Variants in ACSL1 observed in about 807,000 individuals in gnomAD.
ACSL1 encodes the protein long-chain-fatty-acid--CoA ligase 1.
In ACSL1, 41 loss-of-function variants were observed where a neutral mutation model predicts 98.4. The ratio of observed to expected loss-of-function variants is 0.42; its 90% CI spans 0.32 to 0.54. The LOEUF (loss-of-function observed/expected upper bound fraction) is 0.54. Among genes scored for constraint, ACSL1 ranks in the 20% least tolerant of loss-of-function variants. The probability of loss-of-function intolerance (pLI) is 0.13; values close to 1 mark genes in which losing one functional copy is unlikely to be tolerated. For synonymous variants in ACSL1, 316 were observed against 322.7 expected, an observed-to-expected ratio of 0.98 and a Z score of 0.22; for missense variants, 734 against 883.1, an observed-to-expected ratio of 0.83 and a Z score of 2.14.
rs1770983868 is a variant in ACSL1 at position 184,803,989 on chromosome 4, A to T, written c.-32-443T>A. On this transcript the variant is annotated intron_variant, in intron 1 of 20. Transcript: ENST00000281455. This position sits in a 1 kb window ranked among gnomAD's most constrained non-coding sequence, Gnocchi z 4.8. ...GGGGAAGTACAAGCCCAAACCACCT[A>T]AGGGCCATCAGTTTCTATTTCTTCC... 6.6e-6 allele frequency among the ~76,000 whole-genome samples: 1 copy of T among 152,186 alleles called. No homozygotes were observed. The highest frequency in any genetic ancestry group is 1.9e-4 in the East Asian group (1 of 5,190).
intron 1 of ACSL1, among the ~76,000 whole-genome samples, chr4:184,822,749 A>G (rs902085565): frequency 6.7e-6 from 1 of 149,652 alleles, no homozygotes; most frequent in Non-Finnish European, 1.5e-5. Flanking sequence ...GGGAAAAAAG[A>G]AAAAAAAAAG....
chr4:184,768,087 T>C (rs1423202710), intron 12 of ACSL1: 1 of 507,640 alleles, frequency 2.0e-6, no homozygotes, highest in Non-Finnish European at 3.4e-6. Flanking sequence ...TATGCTTGTG[T>C]TGTGACCATG....
chr4:184,825,735 G>T lies in ACSL1; in HGVS notation c.-33+181C>A, dbSNP rs370032808. ...GAGGCCTCCGGCTGCCGAGGGAAGC[G>T]GGGCCGCGGGCAGGAGGCCGGAAAG... is the stretch of plus-strand genomic sequence containing the variant. On this transcript the variant is annotated intron_variant, in intron 1 of 20. Coordinates refer to ENST00000281455, the MANE Select transcript of ACSL1 (RefSeq NM_001995.5). This position sits in a 1 kb window ranked among gnomAD's most constrained non-coding sequence, Gnocchi z 4.7. Among the ~76,000 whole-genome samples the T allele has an allele frequency of 6.7e-6, 1 of 149,832 alleles. No individual in the cohort carries two copies. Among genetic ancestry groups the T allele is most frequent in the Non-Finnish European group, 1.5e-5 (1 of 67,066 alleles).
At position 184,783,927 on chromosome 4, in the gene ACSL1, C is replaced by T. The variant is rs768834922; in HGVS notation, c.375G>A (p.Gln125=). The change falls in exon 4 of 21, where the codon CAG becomes CAA. Residue 125 remains glutamine, a splice_region_variant and synonymous_variant. Coordinates refer to ENST00000281455, the MANE Select transcript of ACSL1 (RefSeq NM_001995.5). The part of the protein sequence containing the change: ...DQPYEWLSYK[Q]VAELSECIGS... ...CAGAGCCTGTCTCATACAAACTCAC[C>T]TGTTTATATGAAAGCCATTCATAGG... is the stretch of plus-strand genomic sequence containing the variant. The T allele has an allele frequency of 2.0e-5, 33 of 1,612,940 alleles. No individual in the cohort carries two copies. Among genetic ancestry groups the T allele is most frequent in the Non-Finnish European group, 8.5e-7 (1 of 1,179,240 alleles).
chr4:184,767,626 A>C (rs1763815356), intron 12 of ACSL1, among the ~76,000 whole-genome samples: 1 of 152,248 alleles, frequency 6.6e-6, no homozygotes. Context: ...CACACTTTAA[A>C]TCAGCAAATT....
At chr4:184,826,495 G>C (rs1356285573), upstream of ACSL1, 1 of 143,404 alleles carries the variant, frequency 7.0e-6, no homozygotes, top group Non-Finnish European at 1.6e-5. Context: ...GGCCCCACAG[G>C]GTTTCCCCCA....
At chr4:184,778,288 G>A (rs1765631405) in intron 5 of ACSL1, among the ~76,000 whole-genome samples, 1 of 152,204 alleles carries the variant, frequency 6.6e-6, no homozygotes, top group Admixed American at 6.5e-5. Flanking sequence ...GGGGAAGGGG[G>A]CACAACCCAC....
At position 184,756,983 on chromosome 4, in the gene ACSL1, T is replaced by G; in HGVS notation, c.*142A>C. On this transcript the variant is annotated 3_prime_UTR_variant, in exon 21 of 21. Coordinates refer to ENST00000281455, the MANE Select transcript of ACSL1 (RefSeq NM_001995.5). ...TGTTCTCTTTCCTCTAGCATTCCTA[T>G]GAGAAGAACCCCGAATGGACAAGTC... 7.5e-6 allele frequency: 8 copies of G among 1,069,370 alleles called. No homozygotes were observed. Among genetic ancestry groups the G allele is most frequent in the South Asian group, 2.1e-5 (1 of 48,014 alleles). The allele number at this position is 1,069,370 out of a possible 1,614,324, so 66.2% of individuals were successfully genotyped here.
At chr4:184,818,242 C>A (rs1457735943) in intron 1 of ACSL1, among the ~76,000 whole-genome samples, 1 of 152,142 alleles carries the variant, frequency 6.6e-6, no homozygotes, top group African/African-American at 2.4e-5. Flanking sequence ...AAACAAGGGG[C>A]AATTTGAACA....
At chr4:184,781,855 C>A (rs975516184) in intron 4 of ACSL1, among the ~76,000 whole-genome samples, 1 of 152,224 alleles carries the variant, frequency 6.6e-6, no homozygotes, top group Admixed American at 6.5e-5. Flanking sequence ...AGGTGATCTG[C>A]CCCCGTCGGC....
chr4:184,799,702 A>G (rs1192316308), intron 2 of ACSL1, among the ~76,000 whole-genome samples: 1 of 152,044 alleles, frequency 6.6e-6, no homozygotes, highest in Non-Finnish European at 1.5e-5. Flanking sequence ...TTTTTTAATT[A>G]GCCAGGCATG....
At chr4:184,801,742 C>T (rs1770559281) in intron 2 of ACSL1, among the ~76,000 whole-genome samples, 1 of 152,162 alleles carries the variant, frequency 6.6e-6, no homozygotes, top group Non-Finnish European at 1.5e-5. Context: ...CTATACTGGG[C>T]AGTAAAATTA....
chr4:184,812,324 G>GT (rs1772204198), intron 1 of ACSL1: 10 of 674,778 alleles, frequency 1.5e-5, no homozygotes, highest in Non-Finnish European at 1.8e-5. Context: ...GATTCTGACC[G>GT]TGTCAGACCC....
At chr4:184,801,451 C>A (rs191244070) in intron 2 of ACSL1, among the ~76,000 whole-genome samples, 1 of 152,276 alleles carries the variant, frequency 6.6e-6, no homozygotes, top group African/African-American at 2.4e-5. Flanking sequence ...CTCCGGCCAC[C>A]AGCCCCCCGC....
At chr4:184,782,559 C>T (rs543232876) in intron 4 of ACSL1, among the ~76,000 whole-genome samples, 1 of 152,280 alleles carries the variant, frequency 6.6e-6, no homozygotes, top group East Asian at 1.9e-4. Context: ...TGCCTCAGGA[C>T]CATCACACAC....
rs1210440819 is a variant in ACSL1, at chr4:184,825,801, C to T, written c.-33+115G>A. The T allele has an allele frequency of 4.0e-5, 6 of 149,418 alleles. No individual in the cohort carries two copies. Among genetic ancestry groups the T allele is most frequent in the Non-Finnish European group, 1.5e-5 (1 of 66,934 alleles). The allele number at this position is 149,418 out of a possible 1,614,324, so 9.3% of individuals were successfully genotyped here. ...GAGCCTGGGGTGGCTCACGCGCCTCCGCGGCGGCCGCTGCTCCGGGCTCGG... is the reference window on the plus strand; with the variant it reads ...GAGCCTGGGGTGGCTCACGCGCCTCTGCGGCGGCCGCTGCTCCGGGCTCGG... On this transcript the variant is annotated intron_variant, in intron 1 of 20. Coordinates refer to ENST00000281455, the MANE Select transcript of ACSL1 (RefSeq NM_001995.5). This position sits in a 1 kb window ranked among gnomAD's most constrained non-coding sequence, Gnocchi z 4.7.
chr4:184,755,874 G>A lies in ACSL1; in HGVS notation c.*1251C>T, dbSNP rs1762080416. ...AAACAGCTGCTTTAAATGTACAAAT[G>A]ACAGCTCAATTCAGTCAAATGTGGC... On this transcript the variant is annotated 3_prime_UTR_variant, in exon 21 of 21. Coordinates refer to ENST00000281455, the MANE Select transcript of ACSL1 (RefSeq NM_001995.5). 1 of 152,614 alleles carries A rather than the reference G, an allele frequency of 6.6e-6. No homozygotes were observed. Among genetic ancestry groups the A allele is most frequent in the Non-Finnish European group, 1.5e-5 (1 of 68,046 alleles). The allele number at this position is 152,614 out of a possible 1,614,324, so 9.5% of individuals were successfully genotyped here. A position where few individuals can be genotyped will look rare whatever the true frequency, so the allele number is the denominator to read the frequency against.
intron 15 of ACSL1, among the ~76,000 whole-genome samples, chr4:184,763,911 T>C (rs1020814966): frequency 1.3e-5 from 2 of 152,222 alleles, no homozygotes; most frequent in African/African-American, 4.8e-5. Flanking sequence ...TTTGAGCTTC[T>C]AGAGATCAGT....
At chr4:184,797,939 T>G (rs958293317) in intron 2 of ACSL1, among the ~76,000 whole-genome samples, 2 of 152,248 alleles carry the variant, frequency 1.3e-5, no homozygotes, top group Non-Finnish European at 2.9e-5. Context: ...TGGCAGGCTT[T>G]ATGAAGCATA....
Sources: allele counts gnomAD v4.1 joint callset (sites outside exome capture counted in the v4.1 genomes callset), GRCh38; gene constraint gnomAD v4.1.1; non-coding constraint Gnocchi (gnomAD v3.1); transcripts MANE v1.5; gene names NCBI Gene and HGNC (gene_info 2026-07-23, HGNC 2026-07-21).